Variants in CDK19 observed in about 807,000 individuals in gnomAD.
CDK19 encodes cyclin-dependent kinase 19.
CDK19 carries 20 observed loss-of-function variants against 68.3 expected under a neutral mutation model. That is an observed-to-expected ratio of 0.29 (90% CI 0.21 to 0.43). The LOEUF is 0.43. CDK19 is among the 20% of genes least tolerant of loss of function. CDK19 has a pLI of 1.00. For missense variants in CDK19, 339 were observed against 623.5 expected (o/e 0.54, Z 4.86); for synonymous variants, 221 against 222.8 (o/e 0.99, Z 0.07).
chr6:110,726,552 T>C (rs895382885), intron 2 of CDK19, among the ~76,000 whole-genome samples: 30 of 152,070 alleles, frequency 2.0e-4, no homozygotes, highest in African/African-American at 7.2e-4. Flanking sequence ...GTGAATAGGG[T>C]GGGGAGGGAT....
At chr6:110,639,544 C>T (rs953418207) in intron 4 of CDK19, among the ~76,000 whole-genome samples, 2 of 152,236 alleles carry the variant, frequency 1.3e-5, no homozygotes, top group East Asian at 3.9e-4. Flanking sequence ...AACCTCCAGA[C>T]GCTTACTACA....
At chr6:110,757,686 A>T (rs1778926429) in intron 1 of CDK19, among the ~76,000 whole-genome samples, 1 of 152,244 alleles carries the variant, frequency 6.6e-6, no homozygotes, top group Non-Finnish European at 1.5e-5. Flanking sequence ...ACAACAACAA[A>T]TTAATTTCAG....
chr6:110,638,975 A>G (rs1779956015), intron 4 of CDK19, among the ~76,000 whole-genome samples: 2 of 152,350 alleles, frequency 1.3e-5, no homozygotes, highest in South Asian at 4.1e-4. Flanking sequence ...TCATTTCTAA[A>G]TAGATTCATC....
chr6:110,698,014 G>T (rs1479803634), intron 2 of CDK19, among the ~76,000 whole-genome samples: 1 of 151,988 alleles, frequency 6.6e-6, no homozygotes, highest in Non-Finnish European at 1.5e-5. Flanking sequence ...GAAATCAACT[G>T]AAGATGGATC....
chr6:110,722,852 G>A (rs1776006250), intron 2 of CDK19, among the ~76,000 whole-genome samples: 1 of 151,734 alleles, frequency 6.6e-6, no homozygotes, highest in Non-Finnish European at 1.5e-5. Context: ...GGGTGACAGA[G>A]TGAGACCCTA....
chr6:110,667,876 A>G (rs142030844), intron 3 of CDK19, among the ~76,000 whole-genome samples: 1 of 152,310 alleles, frequency 6.6e-6, no homozygotes, highest in African/African-American at 2.4e-5. Flanking sequence ...AGAGTATTAT[A>G]TTCTCTACTG....
chr6:110,785,096 C>G (rs1168433998), intron 1 of CDK19, among the ~76,000 whole-genome samples: 1 of 139,454 alleles, frequency 7.2e-6, no homozygotes, highest in South Asian at 2.3e-4. Context: ...AAAAAAAAAG[C>G]CCCTGGCTAG....
At chr6:110,646,518 A>G (rs1245789947) in intron 4 of CDK19, 12 of 1,322,364 alleles carry the variant, frequency 9.1e-6, no homozygotes, top group Non-Finnish European at 1.1e-5. Context: ...TGGGAAACCG[A>G]CGTGCGCCTC....
At position 110,736,592 on chromosome 6, in the gene CDK19, TA is replaced by T. The variant is rs557298957; in HGVS notation, c.204+9533del. ...TAATCTAGAATTACTAAGTTTATGT[TA>T]AATTTTATAGTTTGGTATCTTCTAT... On this transcript the variant is annotated intron_variant, in intron 2 of 12. Transcript: ENST00000368911. Among the ~76,000 whole-genome samples, 56 of 152,336 alleles carry T rather than the reference TA, an allele frequency of 3.7e-4. 1 individual carries two copies. In the East Asian group the frequency reaches 0.01, roughly 27 times the overall value.
chr6:110,730,677 T>C (rs1205626657), intron 2 of CDK19, among the ~76,000 whole-genome samples: 3 of 152,236 alleles, frequency 2.0e-5, no homozygotes, highest in African/African-American at 7.2e-5. Flanking sequence ...TTCTTCTTCT[T>C]CTGAGGCATC....
At position 110,803,899 on chromosome 6, in the gene CDK19, G is replaced by T. The variant is rs114296285; in HGVS notation, c.128+11110C>A. On this transcript the variant is annotated intron_variant, in intron 1 of 12. Coordinates refer to ENST00000368911, the MANE Select transcript of CDK19 (RefSeq NM_015076.5). ...TGGGAGGATCATTTGAGCACAGGAAGTCCAGGCTACAGCGAGCTGTGGCTG... is the reference window on the plus strand; with the variant it reads ...TGGGAGGATCATTTGAGCACAGGAATTCCAGGCTACAGCGAGCTGTGGCTG... Among the ~76,000 whole-genome samples, 963 of 152,300 alleles carry T rather than the reference G, an allele frequency of 6.3e-3. 19 individuals carry two copies. The highest frequency in any genetic ancestry group is 0.022 in the African/African-American group (919 of 41,556).
chr6:110,655,365 CA>C (rs1015045212), intron 4 of CDK19, among the ~76,000 whole-genome samples: 214 of 135,452 alleles, frequency 1.6e-3, no homozygotes, highest in South Asian at 1.9e-3. Context: ...GACTCCATCT[CA>C]AAAAAAAAAA....
At chr6:110,753,131 C>T (rs1488239657) in intron 1 of CDK19, among the ~76,000 whole-genome samples, 1 of 150,782 alleles carries the variant, frequency 6.6e-6, no homozygotes, top group African/African-American at 2.4e-5. Context: ...GGTTGTGCCA[C>T]GTTGCCCAAG....
At chr6:110,696,018 T>C (rs550121220) in intron 2 of CDK19, among the ~76,000 whole-genome samples, 1 of 152,260 alleles carries the variant, frequency 6.6e-6, no homozygotes, top group South Asian at 2.1e-4. Context: ...ATCACTCTAA[T>C]ATCAAAACCA....
intron 1 of CDK19, among the ~76,000 whole-genome samples, chr6:110,800,522 T>C (rs1782273310): frequency 6.6e-6 from 1 of 152,112 alleles, no homozygotes; most frequent in African/African-American, 2.4e-5. Context: ...TACAGGCCAA[T>C]ATCCCTGATG....
intron 2 of CDK19, among the ~76,000 whole-genome samples, chr6:110,725,536 T>C (rs1306484222): frequency 6.6e-6 from 1 of 152,104 alleles, no homozygotes; most frequent in Non-Finnish European, 1.5e-5. Flanking sequence ...ACAAAATCAG[T>C]AGACAGAGAG....
At position 110,788,004 on chromosome 6, in the gene CDK19, T is replaced by C. The variant is rs1781351705; in HGVS notation, c.128+27005A>G. 2.0e-5 allele frequency among the ~76,000 whole-genome samples: 3 copies of C among 152,054 alleles called. No individual in the cohort carries two copies. The South Asian group carries it at 6.2e-4, about 32-fold the overall frequency. On this transcript the variant is annotated intron_variant, in intron 1 of 12. Transcript: ENST00000368911. ...ACAGTCGTGCGCCACCATACCTGGC[T>C]AATTTTTGTATTTTTAGTAGAGACA...
intron 1 of CDK19, among the ~76,000 whole-genome samples, chr6:110,804,738 G>A (rs1435095052): frequency 1.3e-5 from 2 of 150,052 alleles, no homozygotes; most frequent in Admixed American, 6.6e-5. Flanking sequence ...GGCGGATCAC[G>A]AGGTCAGGAG....
chr6:110,629,712 G>A (rs1779323049), intron 6 of CDK19, among the ~76,000 whole-genome samples: 1 of 152,166 alleles, frequency 6.6e-6, no homozygotes, highest in African/African-American at 2.4e-5. Flanking sequence ...AAGTGAATAA[G>A]TATGTACTTA....
Sources: gnomAD v4.1 joint callset for allele counts (sites outside exome capture counted in the v4.1 genomes callset) on GRCh38, gnomAD v4.1.1 for gene constraint, MANE v1.5 for transcripts, NCBI Gene and HGNC (gene_info 2026-07-23, HGNC 2026-07-21) for gene names.